LUC7L2: variants seen among roughly 807,000 people sequenced by gnomAD.
The protein encoded by LUC7L2 is LUC7 like 2, pre-mRNA splicing factor.
Under a neutral mutation model 52.8 loss-of-function variants are expected in LUC7L2, and 25 were observed. The ratio of observed to expected loss-of-function variants is 0.47; its 90% confidence interval spans 0.34 to 0.66. The LOEUF is 0.66. Among genes scored for constraint, LUC7L2 ranks in the 30% least tolerant of loss-of-function variants. The pLI is 0.01. For missense variants in LUC7L2, 328 were observed against 497.8 expected (o/e 0.66, Z 3.25); for synonymous variants, 144 against 160.9 (o/e 0.89, Z 0.80).
chr7:139,408,563 G>C (rs946726278), intron 6 of LUC7L2, among the ~76,000 whole-genome samples: 6 of 152,198 alleles, frequency 3.9e-5, no homozygotes, highest in Admixed American at 2.6e-4. Context: ...ATCATGAAAG[G>C]CTAGGCGCAG....
intron 3 of LUC7L2, among the ~76,000 whole-genome samples, chr7:139,399,107 A>G (rs1794785638): frequency 6.6e-6 from 1 of 152,088 alleles, no homozygotes; most frequent in Admixed American, 6.6e-5. Flanking sequence ...TTGGCCCCCC[A>G]TATCTGTCGT....
At chr7:139,402,100 C>A in intron 3 of LUC7L2, 37 bp from the exon 4 acceptor site, 1 of 1,538,928 alleles carries the variant, frequency 6.5e-7, no homozygotes, top group South Asian at 1.2e-5. Flanking sequence ...ATAAAATTGA[C>A]TTTCTGACAG....
At chr7:139,356,573 G>A (rs1486067814), upstream of LUC7L2, among the ~76,000 whole-genome samples, 2 of 150,556 alleles carry the variant, frequency 1.3e-5, no homozygotes, top group African/African-American at 2.5e-5. Context: ...CTTAAGGTCA[G>A]GAGTTTGAGA....
At chr7:139,346,670 C>T (rs907583493) in intron 1 of LUC7L2, among the ~76,000 whole-genome samples, 2 of 152,156 alleles carry the variant, frequency 1.3e-5, no homozygotes, top group African/African-American at 2.4e-5. Flanking sequence ...AGAGTTCTAA[C>T]CTCCCTAGGC....
intron 2 of LUC7L2, among the ~76,000 whole-genome samples, chr7:139,385,535 C>G (rs1346294862): frequency 1.3e-5 from 2 of 151,974 alleles, no homozygotes; most frequent in Non-Finnish European, 2.9e-5. Flanking sequence ...TGTCCAGGCT[C>G]TTCTCAAACT....
chr7:139,397,439 T>G (rs560902282), intron 2 of LUC7L2, among the ~76,000 whole-genome samples: 1 of 152,216 alleles, frequency 6.6e-6, no homozygotes, highest in South Asian at 2.1e-4. Context: ...GTAAGCTCCA[T>G]GAAGTCAGAC....
Position 139,371,343 on chromosome 7 carries a change from T to C in LUC7L2, c.62-4719T>C, listed in dbSNP as rs530345609. Reference sequence around the variant, plus strand: ...ATGTCAAATATTACAAACTTTAAGGTTCTTTTGAAATTACAATACTAAACT... The same window carrying C: ...ATGTCAAATATTACAAACTTTAAGGCTCTTTTGAAATTACAATACTAAACT... On this transcript the variant is annotated intron_variant, in intron 1 of 9. Coordinates refer to ENST00000354926, the MANE Select transcript of LUC7L2 (RefSeq NM_016019.5). 196 of 756,778 alleles carry C rather than the reference T, an allele frequency of 2.6e-4. 1 individual carries two copies. Among genetic ancestry groups the C allele is most frequent in the South Asian group, 8.7e-4 (59 of 68,084 alleles). The allele number at this position is 756,778 out of a possible 1,614,324, so 46.9% of individuals were successfully genotyped here.
At chr7:139,397,022 G>A (rs758569585) in intron 2 of LUC7L2, among the ~76,000 whole-genome samples, 5 of 151,856 alleles carry the variant, frequency 3.3e-5, no homozygotes, top group Admixed American at 2.0e-4. Flanking sequence ...ATTATCATAC[G>A]TTTGTTTTAT....
At chr7:139,399,703 G>T (rs188724319) in intron 3 of LUC7L2, among the ~76,000 whole-genome samples, 4 of 151,598 alleles carry the variant, frequency 2.6e-5, no homozygotes, top group African/African-American at 9.7e-5. Context: ...TCTCCTGACC[G>T]CGTGATCCGC....
intron 1 of LUC7L2, among the ~76,000 whole-genome samples, chr7:139,348,683 C>T (rs1412678889): frequency 6.6e-6 from 1 of 151,452 alleles, no homozygotes; most frequent in Non-Finnish European, 1.5e-5. Flanking sequence ...CACACAACTG[C>T]ACTCAAGCCT....
chr7:139,356,314 CAAAAAAAAAA>C (rs10524961), upstream of LUC7L2, among the ~76,000 whole-genome samples: 5 of 82,896 alleles, frequency 6.0e-5, no homozygotes, highest in East Asian at 5.0e-4. Context: ...GACCCTATCT[CAAAAAAAAAA>C]AAAAAAAAAA....
At chr7:139,363,621 T>G (rs2131183185) in intron 1 of LUC7L2, among the ~76,000 whole-genome samples, 1 of 152,364 alleles carries the variant, frequency 6.6e-6, no homozygotes, top group Admixed American at 6.5e-5. Context: ...TTATCTTGTT[T>G]ATGATTCATT....
At chr7:139,348,838 T>G (rs1359150356) in intron 1 of LUC7L2, among the ~76,000 whole-genome samples, 3 of 152,016 alleles carry the variant, frequency 2.0e-5, no homozygotes, top group Non-Finnish European at 4.4e-5. Context: ...CCAACAAGGT[T>G]GTTGTAATAA....
chr7:139,345,880 T>C (rs767632102), intron 1 of LUC7L2: 83 of 705,470 alleles, frequency 1.2e-4, no homozygotes, highest in Non-Finnish European at 1.6e-4. Flanking sequence ...TTACTGAACT[T>C]TTTGCACTAG....
At chr7:139,406,283 C>T (rs893669523) in intron 5 of LUC7L2, among the ~76,000 whole-genome samples, 2 of 151,522 alleles carry the variant, frequency 1.3e-5, no homozygotes, top group East Asian at 1.9e-4. Flanking sequence ...AACACCCAAC[C>T]TCAGGTGATC....
At chr7:139,385,574 G>A (rs192154183) in intron 2 of LUC7L2, among the ~76,000 whole-genome samples, 4 of 152,088 alleles carry the variant, frequency 2.6e-5, no homozygotes, top group East Asian at 3.9e-4. Context: ...TCACACCTGG[G>A]CCTCTCAAAC....
chr7:139,360,776 G>A (rs979694272), intron 1 of LUC7L2, among the ~76,000 whole-genome samples: 7 of 152,062 alleles, frequency 4.6e-5, no homozygotes, highest in Non-Finnish European at 8.8e-5. Context: ...CCTCTTCCTG[G>A]GTCAGGAGGA....
intron 1 of LUC7L2, among the ~76,000 whole-genome samples, chr7:139,373,963 TTAATA>T (rs757350828): frequency 2.0e-5 from 3 of 152,222 alleles, no homozygotes; most frequent in Admixed American, 6.5e-5. Flanking sequence ...TTAAAATTGC[TTAATA>T]TAATTAGGGT....
rs1585131453 is a variant in LUC7L2, at chr7:139,412,655, A to G, written c.809+75A>G. 29 of 1,516,440 alleles carry G rather than the reference A, an allele frequency of 1.9e-5. No individual in the cohort carries two copies. In the East Asian group the frequency reaches 7.0e-4, roughly 36 times the overall value. The allele number at this position is 1,516,440 out of a possible 1,614,324, so 93.9% of individuals were successfully genotyped here. On this transcript the variant is annotated intron_variant, in intron 8 of 9. Transcript: ENST00000354926. ...AAGGTAGTTTTTATAGATTGATTAA[A>G]TGGTCCTTTAAAAATTTTCTTTTTT...
Sources: allele counts gnomAD v4.1 joint callset (sites outside exome capture counted in the v4.1 genomes callset), GRCh38; gene constraint gnomAD v4.1.1; transcripts MANE v1.5; gene names NCBI Gene and HGNC (gene_info 2026-07-23, HGNC 2026-07-21).